The following FEZ2 variants were observed in gnomAD, a reference collection of about 807,000 sequenced individuals.
The protein encoded by FEZ2 is fasciculation and elongation protein zeta 2, also known as fasciculation and elongation protein zeta-2.
FEZ2 carries 51 observed loss-of-function variants against 40.4 expected under a neutral mutation model. That is an observed-to-expected ratio of 1.26 (90% confidence interval 1.01 to 1.59). The LOEUF is 1.59. FEZ2 is among the 40% of genes most tolerant of loss of function. FEZ2 has a pLI of 0.00. For missense variants in FEZ2, 640 were observed against 438.3 expected (o/e 1.46, Z -4.11); for synonymous variants, 242 against 172.0 (o/e 1.41, Z -3.18).
At chr2:36,571,015 C>G (rs12615583) in intron 5 of FEZ2, among the ~76,000 whole-genome samples, 9 of 152,222 alleles carry the variant, frequency 5.9e-5, no homozygotes, top group African/African-American at 2.2e-4. Context: ...ACTACATTAA[C>G]TGATGGATCA....
chr2:36,569,773 C>A (rs1463187743), intron 5 of FEZ2, among the ~76,000 whole-genome samples: 1 of 152,136 alleles, frequency 6.6e-6, no homozygotes, highest in Non-Finnish European at 1.5e-5. Flanking sequence ...TCACCTGACA[C>A]CAACTGGTAC....
intron 6 of FEZ2, chr2:36,558,168 A>G (rs1373492668): frequency 3.9e-6 from 1 of 254,860 alleles, no homozygotes; most frequent in East Asian, 7.0e-5. Context: ...GAGATGATGG[A>G]GATTTAGGTT....
chr2:36,591,228 T>C, intron 1 of FEZ2: 1 of 563,412 alleles, frequency 1.8e-6, no homozygotes, highest in Non-Finnish European at 3.2e-6. Context: ...TAAGGGAAGG[T>C]GAAGCCGTAC....
rs6722592 is a variant in FEZ2 at position 36,578,929 on chromosome 2, G to A, written c.635-64C>T. 6,158 of 1,381,434 alleles carry A rather than the reference G, an allele frequency of 4.5e-3. 227 individuals carry two copies. In the African/African-American group the frequency reaches 0.079, roughly 18 times the overall value. 85.6% of individuals were successfully genotyped at this position (1,381,434 alleles called of 1,614,324 possible). A position where few individuals can be genotyped will look rare whatever the true frequency, so the allele number is the denominator to read the frequency against. On this transcript the variant is annotated intron_variant, in intron 4 of 7. Coordinates refer to ENST00000405912, the MANE Select transcript of FEZ2 (RefSeq NM_005102.3). ...AAACATTTCAAGGAAGCAAAACAGA[G>A]TAGTCACTAGGAATGACTAAATAAA...
chr2:36,567,741 A>G (rs1427577729), intron 5 of FEZ2, among the ~76,000 whole-genome samples: 25 of 151,658 alleles, frequency 1.6e-4, no homozygotes, highest in Non-Finnish European at 3.2e-4. Flanking sequence ...CAGCCTGGGC[A>G]ATAGAGCGAG....
At chr2:36,579,114 C>G (rs1478624005) in intron 4 of FEZ2, 1 of 428,262 alleles carries the variant, frequency 2.3e-6, no homozygotes, top group East Asian at 3.6e-5. Flanking sequence ...GAAAGTCTAA[C>G]AAAAGTTTTT....
At position 36,597,785 on chromosome 2, in the gene FEZ2, G is replaced by A. The variant is rs568704491; in HGVS notation, c.266+92C>T. 48 of 974,808 alleles carry A rather than the reference G, an allele frequency of 4.9e-5. No homozygotes were observed. In the South Asian group the frequency reaches 1.7e-3, roughly 34 times the overall value. 60.4% of individuals were successfully genotyped at this position (974,808 alleles called of 1,614,324 possible). A position where few individuals can be genotyped will look rare whatever the true frequency, so the allele number is the denominator to read the frequency against. On this transcript the variant is annotated intron_variant, in intron 1 of 7. Transcript: ENST00000405912. ...GGACTCCCGCGTCCGGGCGGAAGGA[G>A]GGCGCAGGGAGGAGCTGCGGCCGTA...
At chr2:36,592,875 A>C (rs1269975035) in intron 1 of FEZ2, among the ~76,000 whole-genome samples, 1 of 152,102 alleles carries the variant, frequency 6.6e-6, no homozygotes, top group Non-Finnish European at 1.5e-5. Flanking sequence ...GAACCCAAAA[A>C]TCTCTAGAGA....
At chr2:36,566,655 T>C (rs1668249263) in intron 5 of FEZ2, among the ~76,000 whole-genome samples, 1 of 152,194 alleles carries the variant, frequency 6.6e-6, no homozygotes, top group Non-Finnish European at 1.5e-5. Flanking sequence ...AAACCAGGAA[T>C]CATAGCTCAG....
intron 6 of FEZ2, chr2:36,556,744 C>T (rs1287117733): frequency 6.6e-6 from 1 of 152,190 alleles, no homozygotes; most frequent in African/African-American, 2.4e-5. Context: ...ATCATAGTGC[C>T]TGGCACATAG....
chr2:36,581,291 C>G lies in FEZ2; in HGVS notation c.633G>C (p.Glu211Asp). 7 of 1,613,616 alleles carry G rather than the reference C, an allele frequency of 4.3e-6. No homozygotes were observed. The highest frequency in any genetic ancestry group is 3.4e-6 in the Non-Finnish European group (4 of 1,179,650). Residue 211 changes from glutamate (E) to aspartate (D), a missense_variant and splice_region_variant, in exon 4 of 8, where the codon GAG becomes GAC. Coordinates refer to ENST00000405912, the MANE Select transcript of FEZ2 (RefSeq NM_005102.3). ...LKRSSTGSYEERVKRLSVSEL... is the reference protein window; with the variant it reads ...LKRSSTGSYEDRVKRLSVSEL... ...ATTGATTTCAGCAGGCTCCCTTACTCTCTTCATAACTGCCGGTACTAGACC... is the reference window on the plus strand; with the variant it reads ...ATTGATTTCAGCAGGCTCCCTTACTGTCTTCATAACTGCCGGTACTAGACC...
At chr2:36,567,657 G>A (rs1299404179) in intron 5 of FEZ2, among the ~76,000 whole-genome samples, 1 of 151,910 alleles carries the variant, frequency 6.6e-6, no homozygotes, top group African/African-American at 2.4e-5. Context: ...AGCTACTCGA[G>A]AGGCTCAGGC....
At chr2:36,594,134 C>G (rs1669147056) in intron 1 of FEZ2, among the ~76,000 whole-genome samples, 1 of 152,026 alleles carries the variant, frequency 6.6e-6, no homozygotes, top group Admixed American at 6.5e-5. Context: ...ACCACCTCAG[C>G]CTGGATTTTA....
chr2:36,560,366 T>C (rs1304724413), intron 5 of FEZ2, among the ~76,000 whole-genome samples: 2 of 152,232 alleles, frequency 1.3e-5, no homozygotes, highest in African/African-American at 2.4e-5. Context: ...CCTAGAACTC[T>C]AGTCTCAAAC....
At chr2:36,594,214 A>G (rs183109786) in intron 1 of FEZ2, among the ~76,000 whole-genome samples, 3 of 152,180 alleles carry the variant, frequency 2.0e-5, no homozygotes, top group Admixed American at 1.3e-4. Flanking sequence ...AAACTTTCCC[A>G]CATTTTCCTG....
At chr2:36,561,574 G>T (rs1573002312) in intron 5 of FEZ2, 1 of 152,152 alleles carries the variant, frequency 6.6e-6, no homozygotes, top group Admixed American at 6.5e-5. Context: ...ACTGAAAAGG[G>T]AGTATTTTTT....
intron 1 of FEZ2, among the ~76,000 whole-genome samples, chr2:36,596,426 C>T (rs1475334515): frequency 6.6e-6 from 1 of 152,240 alleles, no homozygotes; most frequent in African/African-American, 2.4e-5. Context: ...AGAGTCTCTC[C>T]ATCCCATCAA....
At chr2:36,571,129 G>A (rs1349754937) in intron 5 of FEZ2, among the ~76,000 whole-genome samples, 1 of 151,998 alleles carries the variant, frequency 6.6e-6, no homozygotes, top group Non-Finnish European at 1.5e-5. Context: ...ATTTCTCTAG[G>A]TAATATTATT....
At chr2:36,572,382 C>T (rs1186338404) in intron 5 of FEZ2, among the ~76,000 whole-genome samples, 1 of 152,178 alleles carries the variant, frequency 6.6e-6, no homozygotes, top group East Asian at 1.9e-4. Context: ...TAAATACAAA[C>T]TTTAGAAACA....
Sources: allele counts gnomAD v4.1 joint callset (sites outside exome capture counted in the v4.1 genomes callset), GRCh38; gene constraint gnomAD v4.1.1; transcripts MANE v1.5; gene names NCBI Gene and HGNC (gene_info 2026-07-23, HGNC 2026-07-21).